NRXN1: variants seen among roughly 807,000 people sequenced by gnomAD.
The protein encoded by NRXN1 is neurexin 1.
Under a neutral mutation model 150.9 loss-of-function variants are expected in NRXN1, and 39 were observed. The observed-to-expected ratio is 0.26, with a 90% CI of 0.20 to 0.34. The LOEUF (loss-of-function observed/expected upper bound fraction) is 0.34, where lower values mean the gene tolerates loss of function less well. Among genes scored for constraint, NRXN1 ranks in the 10% least tolerant of loss-of-function variants. NRXN1 has a pLI of 1.00. For missense variants in NRXN1, 1,815 were observed against 1,949.9 expected (o/e 0.93, Z 1.30); for synonymous variants, 924 against 757.0 (o/e 1.22, Z -3.62).
chr2:50,563,010 A>T (rs191024023), intron 8 of NRXN1, among the ~76,000 whole-genome samples: 76 of 152,274 alleles, frequency 5.0e-4, no homozygotes, highest in African/African-American at 1.8e-3. Context: ...CCTTATGAAG[A>T]TCCGTTAATA....
In NRXN1 at chr2:51,026,352, T is replaced by A. The variant is rs1472460268; in HGVS notation, c.772+1150A>T. ...TCCTACTTAGCCACTGATTCGTCTT[T>A]TTCACACCACTCACTCACTTTCTGT... On this transcript the variant is annotated intron_variant, in intron 2 of 22. Transcript: ENST00000401669. 2.0e-6 allele frequency: 3 copies of A among 1,525,758 alleles called. No individual in the cohort carries two copies. The East Asian group carries it at 6.9e-5, about 35-fold the overall frequency. 94.5% of individuals were successfully genotyped at this position (1,525,758 alleles called of 1,614,324 possible).
intron 5 of NRXN1, among the ~76,000 whole-genome samples, chr2:50,753,712 T>A (rs1216246810): frequency 6.6e-6 from 1 of 151,810 alleles, no homozygotes; most frequent in Non-Finnish European, 1.5e-5. Context: ...TAGGAAAAAC[T>A]GCATGTTTTT....
At chr2:50,750,536 A>T (rs1364875961) in intron 5 of NRXN1, among the ~76,000 whole-genome samples, 1 of 152,056 alleles carries the variant, frequency 6.6e-6, no homozygotes, top group Non-Finnish European at 1.5e-5. Flanking sequence ...ACACATGTAT[A>T]CATATGTAAC....
chr2:49,934,043 T>C (rs944167303), intron 22 of NRXN1, among the ~76,000 whole-genome samples: 5 of 152,232 alleles, frequency 3.3e-5, no homozygotes, highest in Non-Finnish European at 7.3e-5. Context: ...TGAGACATTC[T>C]ATCTTTAATG....
At chr2:50,923,279 A>G (rs1686355101) in intron 3 of NRXN1, 1 of 174,912 alleles carries the variant, frequency 5.7e-6, no homozygotes, top group African/African-American at 2.4e-5. Flanking sequence ...GCAGTTGTAA[A>G]GCTAGAATTT....
intron 8 of NRXN1, among the ~76,000 whole-genome samples, chr2:50,583,359 G>C (rs554796488): frequency 1.0e-3 from 159 of 152,104 alleles, no homozygotes; most frequent in African/African-American, 3.8e-3. Flanking sequence ...CTTTTAACCT[G>C]ATTAACCTAC....
chr2:50,489,613 A>G (rs948037915), intron 15 of NRXN1, among the ~76,000 whole-genome samples: 1 of 152,088 alleles, frequency 6.6e-6, no homozygotes, highest in Non-Finnish European at 1.5e-5. Flanking sequence ...AAGATCACTT[A>G]TACTTCCTAA....
chr2:50,136,229 G>C (rs1706386752), intron 18 of NRXN1, among the ~76,000 whole-genome samples: 1 of 152,074 alleles, frequency 6.6e-6, no homozygotes, highest in Non-Finnish European at 1.5e-5. Context: ...GGAAGTAGTT[G>C]AGCAAGCCTG....
In NRXN1 at chr2:50,091,432, G is replaced by T. The variant is rs1049125554; in HGVS notation, c.3609C>A (p.Ser1203=). The T allele has an allele frequency of 6.2e-7, 1 of 1,614,072 alleles. No homozygotes were observed. ...ATTTCCCATCATTAATGATTGCATT[G>T]GATTCTTCAATGGCGATGTCATCTG... ...VGTDDIAIEE[S]NAIINDGKYH... is the part of the protein sequence containing the mutation. The change falls in exon 19 of 23, where the codon TCC becomes TCA. Residue 1203 remains serine (S), a synonymous_variant. Coordinates refer to ENST00000401669, the MANE Select transcript of NRXN1 (RefSeq NM_001330078.2).
intron 8 of NRXN1, among the ~76,000 whole-genome samples, chr2:50,571,661 T>C (rs1474307294): frequency 6.6e-6 from 1 of 151,920 alleles, no homozygotes; most frequent in Non-Finnish European, 1.5e-5. Context: ...ACAAATAATA[T>C]TTAAAAACTG....
intron 3 of NRXN1, 143 bp downstream of exon 3, chr2:50,925,795 G>C: frequency 1.5e-6 from 1 of 674,110 alleles, no homozygotes; most frequent in Non-Finnish European, 2.7e-6. Context: ...TATGTGTTCT[G>C]TATGAAAAGT....
chr2:50,969,223 T>C (rs889848392), intron 2 of NRXN1, among the ~76,000 whole-genome samples: 7 of 152,166 alleles, frequency 4.6e-5, no homozygotes, highest in African/African-American at 1.7e-4. Context: ...GCACTAATCA[T>C]TAATTAATAT....
intron 12 of NRXN1, among the ~76,000 whole-genome samples, chr2:50,522,720 A>ATTT (rs869200431): frequency 1.0e-4 from 5 of 47,760 alleles, no homozygotes; most frequent in East Asian, 5.1e-4. Context: ...ATTTTTATTC[A>ATTT]TTTTTTTTTT....
chr2:50,615,367 TTATTTA>T (rs1423942705), intron 8 of NRXN1: 3 of 152,168 alleles, frequency 2.0e-5, no homozygotes, highest in African/African-American at 7.2e-5. Flanking sequence ...CTAGGTTGTT[TTATTTA>T]ACACACAGTC....
intron 5 of NRXN1, among the ~76,000 whole-genome samples, chr2:50,694,016 C>T (rs1217750959): frequency 6.6e-6 from 1 of 152,112 alleles, no homozygotes; most frequent in Non-Finnish European, 1.5e-5. Flanking sequence ...TGGTCTCAAA[C>T]TCCCGGCCTC....
At chr2:50,255,547 C>T (rs1686712827) in intron 17 of NRXN1, among the ~76,000 whole-genome samples, 1 of 152,152 alleles carries the variant, frequency 6.6e-6, no homozygotes, top group African/African-American at 2.4e-5. Flanking sequence ...CTTGAACACT[C>T]AGGTCCCCAA....
At chr2:50,222,546 T>C (rs572678334) in intron 18 of NRXN1, among the ~76,000 whole-genome samples, 20 of 152,110 alleles carry the variant, frequency 1.3e-4, no homozygotes, top group Admixed American at 1.1e-3. Context: ...AAAAATATGC[T>C]TTTACACATG....
At chr2:50,911,530 C>A (rs1189617670) in intron 5 of NRXN1, among the ~76,000 whole-genome samples, 1 of 151,906 alleles carries the variant, frequency 6.6e-6, no homozygotes, top group Non-Finnish European at 1.5e-5. Flanking sequence ...GAATTTTGTA[C>A]ATACAACATA....
intron 5 of NRXN1, among the ~76,000 whole-genome samples, chr2:50,783,442 A>G (rs1208497444): frequency 2.6e-5 from 4 of 152,130 alleles, no homozygotes; most frequent in Non-Finnish European, 5.9e-5. Flanking sequence ...TTTTTAAACT[A>G]TTCAGCTGTA....
Sources: allele counts gnomAD v4.1 joint callset (sites outside exome capture counted in the v4.1 genomes callset), GRCh38; gene constraint gnomAD v4.1.1; transcripts MANE v1.5; gene names NCBI Gene and HGNC (gene_info 2026-07-23, HGNC 2026-07-21).